PRELID2: variants seen among roughly 807,000 people sequenced by gnomAD.
PRELID2 encodes the protein PRELI domain containing 2, also known as PRELI domain-containing protein 2.
PRELID2 carries 25 observed loss-of-function variants against 28.4 expected under a neutral mutation model. That is an observed-to-expected ratio of 0.88 (90% confidence interval 0.64 to 1.23). The LOEUF is 1.23. PRELID2 is among the 50% of genes most tolerant of loss of function. PRELID2 has a pLI of 0.00. For missense variants in PRELID2, 201 were observed against 214.4 expected (o/e 0.94, Z 0.39); for synonymous variants, 76 against 71.6 (o/e 1.06, Z -0.31).
chr5:145,491,930 T>C (rs981747355), intron 1 of PRELID2, among the ~76,000 whole-genome samples: 1 of 152,196 alleles, frequency 6.6e-6, no homozygotes, highest in Non-Finnish European at 1.5e-5. Context: ...CACATTCCTT[T>C]ACCCGTTCAT....
At chr5:145,465,622 T>C in the PRELID2 span, among the ~76,000 whole-genome samples, 1 of 152,114 alleles carries the variant, frequency 6.6e-6, no homozygotes, top group Non-Finnish European at 1.5e-5. Context: ...ATTGGTAAAA[T>C]AACCGTCCTA....
At chr5:145,717,349 TG>T (rs1755871044) in intron 1 of PRELID2, among the ~76,000 whole-genome samples, 1 of 152,140 alleles carries the variant, frequency 6.6e-6, no homozygotes, top group South Asian at 2.1e-4. Context: ...TAGTTATGGC[TG>T]GTTGCTCAAC....
At chr5:145,678,819 G>A (rs893720641) in intron 1 of PRELID2, among the ~76,000 whole-genome samples, 2 of 152,176 alleles carry the variant, frequency 1.3e-5, no homozygotes, top group Admixed American at 6.5e-5. Context: ...ATAGGAGTTA[G>A]AAATTATATG....
chr5:145,454,077 A>T, the PRELID2 span, among the ~76,000 whole-genome samples: 2 of 152,134 alleles, frequency 1.3e-5, no homozygotes, highest in Non-Finnish European at 2.9e-5. Flanking sequence ...GTACACTCTG[A>T]CCAACTGTGT....
chr5:145,350,579 T>C, the PRELID2 span, among the ~76,000 whole-genome samples: 2 of 152,306 alleles, frequency 1.3e-5, no homozygotes, highest in East Asian at 1.9e-4. Flanking sequence ...TCTTATTCTT[T>C]TGAGGAGCCT....
the PRELID2 span, among the ~76,000 whole-genome samples, chr5:145,355,152 T>C: frequency 5.9e-5 from 9 of 152,152 alleles, no homozygotes; most frequent in Non-Finnish European, 1.3e-4. Flanking sequence ...AATTTAATGG[T>C]ATTTTTCTTA....
At chr5:145,314,777 C>T in the PRELID2 span, among the ~76,000 whole-genome samples, 1 of 151,780 alleles carries the variant, frequency 6.6e-6, no homozygotes, top group Non-Finnish European at 1.5e-5. Flanking sequence ...GTTATGGCAC[C>T]TAAAACAATT....
intron 1 of PRELID2, among the ~76,000 whole-genome samples, chr5:145,494,992 T>C (rs1453930777): frequency 6.6e-6 from 1 of 152,162 alleles, no homozygotes; most frequent in Non-Finnish European, 1.5e-5. Context: ...GAAAAAGATG[T>C]GATGTAAGCT....
intron 1 of PRELID2, among the ~76,000 whole-genome samples, chr5:145,683,546 C>G (rs374343235): frequency 1.1e-4 from 16 of 152,160 alleles, no homozygotes; most frequent in African/African-American, 3.9e-4. Flanking sequence ...CTCGCTATGT[C>G]CTCACATGGC....
chr5:145,386,709 C>T, the PRELID2 span, among the ~76,000 whole-genome samples: 1 of 152,112 alleles, frequency 6.6e-6, no homozygotes, highest in Non-Finnish European at 1.5e-5. Context: ...CATATCCTAC[C>T]ACAGGACAGA....
chr5:145,804,490 G>A (rs1043429335), intron 4 of PRELID2, among the ~76,000 whole-genome samples: 3 of 152,132 alleles, frequency 2.0e-5, no homozygotes, highest in African/African-American at 4.8e-5. Flanking sequence ...AGTCTGGGCA[G>A]CAGAGCTAGA....
intron 5 of PRELID2, among the ~76,000 whole-genome samples, chr5:145,771,970 GAGA>G (rs2149782751): frequency 6.6e-6 from 1 of 152,272 alleles, no homozygotes; most frequent in East Asian, 1.9e-4. Context: ...CAAAAGGTAA[GAGA>G]ATACTGCATG....
the PRELID2 span, among the ~76,000 whole-genome samples, chr5:145,446,367 A>G: frequency 6.6e-6 from 1 of 152,066 alleles, no homozygotes; most frequent in Non-Finnish European, 1.5e-5. Context: ...GGTTGGGGAG[A>G]AGTGATTACT....
the PRELID2 span, among the ~76,000 whole-genome samples, chr5:145,419,757 G>C: frequency 6.6e-6 from 1 of 152,126 alleles, no homozygotes; most frequent in Admixed American, 6.5e-5. Context: ...TGTCAATTTT[G>C]TCTTTTGTTA....
At chr5:145,231,218 TTTTTTTTA>T in the PRELID2 span, among the ~76,000 whole-genome samples, 1 of 152,184 alleles carries the variant, frequency 6.6e-6, no homozygotes, top group Non-Finnish European at 1.5e-5. Flanking sequence ...TCCACTCTTT[TTTTTTTTA>T]TTTTTTGTCA....
chr5:145,566,137 G>A (rs994434268), intron 1 of PRELID2, among the ~76,000 whole-genome samples: 7 of 152,222 alleles, frequency 4.6e-5, no homozygotes, highest in African/African-American at 1.7e-4. Context: ...AGCCTCAGAA[G>A]TGTTCTTGCA....
the PRELID2 span, among the ~76,000 whole-genome samples, chr5:145,422,196 A>C: frequency 6.7e-6 from 1 of 148,490 alleles, no homozygotes; most frequent in Admixed American, 6.8e-5. Context: ...GTGCTGAAAA[A>C]AATGTATATT....
chr5:145,314,268 C>A, the PRELID2 span, among the ~76,000 whole-genome samples: 1 of 152,140 alleles, frequency 6.6e-6, no homozygotes, highest in Non-Finnish European at 1.5e-5. Flanking sequence ...TATGTCTAGC[C>A]TTTCATTTTT....
chr5:145,602,316 T>A (rs748384711), intron 1 of PRELID2, among the ~76,000 whole-genome samples: 6 of 152,204 alleles, frequency 3.9e-5, no homozygotes, highest in Non-Finnish European at 8.8e-5. Flanking sequence ...CTGGAAGGAA[T>A]TAATGCTAAA....
Sources: gnomAD v4.1 joint callset for allele counts (sites outside exome capture counted in the v4.1 genomes callset) on GRCh38, gnomAD v4.1.1 for gene constraint, MANE v1.5 for transcripts, NCBI Gene and HGNC (gene_info 2026-07-23, HGNC 2026-07-21) for gene names.